GULP1: variants seen among roughly 807,000 people sequenced by gnomAD.
GULP1 encodes the protein GULP PTB domain containing engulfment adaptor 1.
GULP1 carries 19 observed loss-of-function variants against 40.9 expected under a neutral mutation model. The observed-to-expected ratio is 0.46, with a 90% CI of 0.32 to 0.68. GULP1 has a LOEUF of 0.68. GULP1 is among the 30% of genes least tolerant of loss of function. The probability of loss-of-function intolerance (pLI) is 0.03; values close to 1 mark genes in which losing one functional copy is unlikely to be tolerated. For missense variants in GULP1, 312 were observed against 362.2 expected (o/e 0.86, Z 1.12); for synonymous variants, 119 against 117.6 (o/e 1.01, Z -0.08).
chr2:188,357,317 G>T (rs904342226), intron 1 of GULP1, among the ~76,000 whole-genome samples: 1 of 152,040 alleles, frequency 6.6e-6, no homozygotes, highest in African/African-American at 2.4e-5. Context: ...TCCAATAAGG[G>T]TTTAATATCT....
chr2:188,333,964 C>T (rs994638523), intron 1 of GULP1, among the ~76,000 whole-genome samples: 2 of 152,166 alleles, frequency 1.3e-5, no homozygotes, highest in Non-Finnish European at 2.9e-5. Flanking sequence ...CCAGGCTCAG[C>T]TGCAGGGCCT....
chr2:188,436,777 A>G (rs2057446626), intron 2 of GULP1, among the ~76,000 whole-genome samples: 4 of 152,092 alleles, frequency 2.6e-5, no homozygotes, highest in Admixed American at 2.6e-4. Flanking sequence ...TAATTTGTAC[A>G]TATTTTGGGG....
intron 4 of GULP1, among the ~76,000 whole-genome samples, chr2:188,517,611 G>A (rs1251792888): frequency 6.6e-6 from 1 of 152,110 alleles, no homozygotes; most frequent in Non-Finnish European, 1.5e-5. Flanking sequence ...AAAGCCAACT[G>A]GCGGTTCTGT....
At chr2:188,329,372 A>C (rs1357134785) in intron 1 of GULP1, among the ~76,000 whole-genome samples, 1 of 152,138 alleles carries the variant, frequency 6.6e-6, no homozygotes, top group African/African-American at 2.4e-5. Flanking sequence ...TAGTCTAGGA[A>C]TAGGTAGTCT....
intron 2 of GULP1, among the ~76,000 whole-genome samples, chr2:188,406,160 A>G (rs2053066255): frequency 6.6e-6 from 1 of 152,200 alleles, no homozygotes; most frequent in Non-Finnish European, 1.5e-5. Flanking sequence ...CCTATATGGT[A>G]TATATCAAAT....
At chr2:188,511,288 C>A (rs1314051979) in intron 4 of GULP1, among the ~76,000 whole-genome samples, 1 of 152,100 alleles carries the variant, frequency 6.6e-6, no homozygotes, top group Non-Finnish European at 1.5e-5. Context: ...GTAATACTAT[C>A]CTCAGTTTTC....
At chr2:188,477,409 A>G in intron 2 of GULP1, among the ~76,000 whole-genome samples, 1 of 152,244 alleles carries the variant, frequency 6.6e-6, no homozygotes, top group South Asian at 2.1e-4. Context: ...AATGATGGAT[A>G]TATAATAGAA....
intron 7 of GULP1, among the ~76,000 whole-genome samples, chr2:188,544,421 A>C (rs1691351966): frequency 6.6e-6 from 1 of 151,976 alleles, no homozygotes; most frequent in Non-Finnish European, 1.5e-5. Context: ...TAGCATTAGG[A>C]GATATACCTA....
intron 2 of GULP1, among the ~76,000 whole-genome samples, chr2:188,441,995 A>G (rs1483323810): frequency 2.0e-5 from 3 of 152,354 alleles, no homozygotes; most frequent in East Asian, 3.9e-4. Context: ...CCTTTAAAAA[A>G]TGGCTGAAAA....
chr2:188,530,676 C>T (rs1035649316), intron 6 of GULP1, among the ~76,000 whole-genome samples: 6 of 152,166 alleles, frequency 3.9e-5, no homozygotes, highest in East Asian at 1.9e-4. Flanking sequence ...CCAAACCTAC[C>T]GACACCTTGA....
intron 7 of GULP1, among the ~76,000 whole-genome samples, chr2:188,564,202 A>G (rs1345126498): frequency 6.6e-6 from 1 of 152,090 alleles, no homozygotes; most frequent in Non-Finnish European, 1.5e-5. Flanking sequence ...ACTGGGAACA[A>G]TGCAAGGATG....
intron 7 of GULP1, among the ~76,000 whole-genome samples, chr2:188,567,587 A>G (rs1377818178): frequency 1.3e-5 from 2 of 152,164 alleles, no homozygotes; most frequent in Non-Finnish European, 2.9e-5. Context: ...GAGTTGAACA[A>G]TGAGAACACA....
intron 1 of GULP1, among the ~76,000 whole-genome samples, chr2:188,350,448 A>G (rs1465631762): frequency 2.0e-5 from 3 of 151,918 alleles, no homozygotes; most frequent in African/African-American, 7.3e-5. Flanking sequence ...TCTTCATGTT[A>G]TTATAAATGG....
intron 7 of GULP1, among the ~76,000 whole-genome samples, chr2:188,555,964 A>G (rs908796895): frequency 5.9e-5 from 9 of 151,952 alleles, no homozygotes; most frequent in African/African-American, 2.2e-4. Flanking sequence ...AGGCTGAGGC[A>G]GAAGAATTGC....
intron 1 of GULP1, among the ~76,000 whole-genome samples, chr2:188,351,770 G>A (rs2044476635): frequency 6.6e-6 from 1 of 152,050 alleles, no homozygotes; most frequent in Non-Finnish European, 1.5e-5. Context: ...CAACTTAGTA[G>A]TCATATCATG....
At chr2:188,485,189 T>A (rs1220527290) in intron 4 of GULP1, among the ~76,000 whole-genome samples, 1 of 152,126 alleles carries the variant, frequency 6.6e-6, no homozygotes, top group Non-Finnish European at 1.5e-5. Context: ...AACAGCTTTA[T>A]AAAAGATTAA....
At chr2:188,405,175 C>G (rs1257811718) in intron 2 of GULP1, among the ~76,000 whole-genome samples, 2 of 152,090 alleles carry the variant, frequency 1.3e-5, no homozygotes, top group Non-Finnish European at 2.9e-5. Flanking sequence ...TGCTTGCAGA[C>G]CTATCCTCTA....
At chr2:188,497,148 AC>A (rs1165760467) in intron 4 of GULP1, among the ~76,000 whole-genome samples, 1 of 151,988 alleles carries the variant, frequency 6.6e-6, no homozygotes, top group African/African-American at 2.4e-5. Context: ...TGAAGAAAAA[AC>A]GTATAGCAGA....
intron 2 of GULP1, among the ~76,000 whole-genome samples, chr2:188,438,745 A>G (rs1212588185): frequency 6.8e-6 from 1 of 146,010 alleles, no homozygotes; most frequent in Non-Finnish European, 1.5e-5. Flanking sequence ...AAAAGGAAAT[A>G]AAGTAGTTAA....
Sources: gnomAD v4.1 joint callset for allele counts (sites outside exome capture counted in the v4.1 genomes callset) on GRCh38, gnomAD v4.1.1 for gene constraint, MANE v1.5 for transcripts, NCBI Gene and HGNC (gene_info 2026-07-23, HGNC 2026-07-21) for gene names.